Variants in COL18A1 observed in about 807,000 individuals in gnomAD.
COL18A1 encodes the protein collagen type XVIII alpha 1 chain.
In COL18A1, 133 loss-of-function variants were observed where a neutral mutation model predicts 168.0. The observed-to-expected ratio is 0.79, with a 90% confidence interval of 0.69 to 0.91. The LOEUF is 0.91. COL18A1 is among the 40% of genes least tolerant of loss of function. The probability of loss-of-function intolerance (pLI) is 0.00; values close to 1 mark genes in which losing one functional copy is unlikely to be tolerated. For missense variants in COL18A1, 2,126 were observed against 1,925.4 expected (o/e 1.10, Z -1.95); for synonymous variants, 949 against 809.0 (o/e 1.17, Z -2.94).
At chr21:45,502,868 TA>T (rs1225666661) in intron 32 of COL18A1, 1 of 152,198 alleles carries the variant, frequency 6.6e-6, no homozygotes, top group Non-Finnish European at 1.5e-5. Flanking sequence ...GTCTCCCACG[TA>T]AGCCCCACAA....
chr21:45,456,285 T>A (rs1216022587), intron 2 of COL18A1: 3 of 1,568,182 alleles, frequency 1.9e-6, no homozygotes, highest in Non-Finnish European at 2.6e-6. Context: ...AGCCAGCAGC[T>A]CCAACGCCCT....
chr21:45,507,088 G>A, intron 37 of COL18A1: 1 of 354,788 alleles, frequency 2.8e-6, no homozygotes, highest in South Asian at 2.5e-5. Context: ...TGGGCAGGGA[G>A]GGCAACCTGC....
intron 8 of COL18A1, 92 bp downstream of exon 8, chr21:45,478,057 C>T (rs976572217): frequency 7.3e-5 from 58 of 790,278 alleles, no homozygotes; most frequent in Non-Finnish European, 1.0e-4. Context: ...TGGGAGTGAG[C>T]TGAGCTGGGA....
intron 2 of COL18A1, among the ~76,000 whole-genome samples, chr21:45,428,816 C>T (rs1314757217): frequency 6.6e-6 from 1 of 152,156 alleles, no homozygotes; most frequent in Non-Finnish European, 1.5e-5. Context: ...GTGTAATAGT[C>T]CACCATAGAT....
rs2145937523 is a variant in COL18A1 at position 45,480,729 on chromosome 21, AC to A, written c.1488del (p.Gly497ValfsTer14). Reference protein sequence around the residue: ...GPRGFPGPPGPPGVPGLPGEP... With the variant: ...GPRGFPGPPGXPGVPGLPGEP... ...CTCGAGGCTTCCCTGGACCTCCCGG[AC>A]CCCCCGGTGTCCCAGGCCTGCCCGG... On this transcript the variant is annotated frameshift_variant, in exon 13 of 42. Transcript: ENST00000651438. LOFTEE classifies it high-confidence loss of function. 5 of 1,609,188 alleles carry A rather than the reference AC, an allele frequency of 3.1e-6. No individual in the cohort carries two copies.
chr21:45,460,133 G>C (rs1024244685), intron 2 of COL18A1, among the ~76,000 whole-genome samples: 4 of 152,230 alleles, frequency 2.6e-5, no homozygotes, highest in Admixed American at 2.0e-4. Flanking sequence ...GGAGCCTGGA[G>C]GAGGGCCCAG....
chr21:45,495,014 G>A (rs1015168218), intron 28 of COL18A1, 99 bp downstream of exon 28: 21 of 1,059,834 alleles, frequency 2.0e-5, no homozygotes, highest in African/African-American at 6.3e-5. Context: ...GGGAGTGGAC[G>A]GCCGCCGCAC....
rs186880533 is a variant in COL18A1 at position 45,476,307 on chromosome 21, A to G, written c.799-44A>G. The G allele has an allele frequency of 3.2e-5, 51 of 1,612,940 alleles. No homozygotes were observed. The African/African-American group carries it at 5.3e-4, about 17-fold the overall frequency. ...CAAACCAAGCAAGTCTCCACCGGGC[A>G]TCTGCCGGCCGAATAACAGGCCACC... On this transcript the variant is annotated intron_variant, in intron 5 of 41. Transcript: ENST00000651438.
chr21:45,416,965 G>C lies in COL18A1; in HGVS notation c.106+11492G>C, dbSNP rs149151204. ...TCAGGTATGTTTTCTTGTTCCGTGA[G>C]TTTTCAGATATTTGGAAGCAGCTAA... On this transcript the variant is annotated intron_variant, in intron 2 of 41. Transcript: ENST00000651438. Among the ~76,000 whole-genome samples, 408 of 152,282 alleles carry C rather than the reference G, an allele frequency of 2.7e-3. 3 individuals are homozygous for C. Among genetic ancestry groups the C allele is most frequent in the African/African-American group, 9.5e-3 (395 of 41,550 alleles).
At chr21:45,506,208 T>C in intron 37 of COL18A1, 1 of 548,568 alleles carries the variant, frequency 1.8e-6, no homozygotes, top group Non-Finnish European at 3.3e-6. Flanking sequence ...GAGGGGCTCC[T>C]GGTGGGTCAT....
chr21:45,421,485 G>A (rs750984935), intron 2 of COL18A1: 41 of 534,486 alleles, frequency 7.7e-5, no homozygotes, highest in South Asian at 4.6e-4. Context: ...AGGACACCGC[G>A]TTTCTGGCTG....
At chr21:45,476,936 T>A (rs112149974) in intron 6 of COL18A1, among the ~76,000 whole-genome samples, 2 of 151,508 alleles carry the variant, frequency 1.3e-5, no homozygotes, top group South Asian at 2.1e-4. Context: ...TGTGTGTGTG[T>A]GTGTGTGTGT....
chr21:45,503,989 C>A (rs1375642674), intron 32 of COL18A1, 22 bp from the exon 33 acceptor site: 1 of 1,613,368 alleles, frequency 6.2e-7, no homozygotes, highest in Non-Finnish European at 8.5e-7. Flanking sequence ...TCAGCGAGAC[C>A]CCGCCTGTCT....
intron 2 of COL18A1, among the ~76,000 whole-genome samples, chr21:45,436,459 G>A (rs1156377728): frequency 6.6e-6 from 1 of 152,190 alleles, no homozygotes; most frequent in East Asian, 1.9e-4. Context: ...TTTTAAAGCT[G>A]GGGAGTGGAG....
intron 26 of COL18A1, chr21:45,493,780 C>A: frequency 1.7e-6 from 1 of 590,752 alleles, no homozygotes; most frequent in East Asian, 2.8e-5. Context: ...TCTCCCTGCC[C>A]CTCGTCCTCT....
At chr21:45,489,405 C>A in intron 18 of COL18A1, 81 bp from the exon 19 acceptor site, 1 of 1,067,030 alleles carries the variant, frequency 9.4e-7, no homozygotes, top group Non-Finnish European at 1.4e-6. Context: ...GTAACTCACC[C>A]TTCCCTTCAC....
Position 45,495,035 on chromosome 21 carries a change from C to T in COL18A1, c.2433+120C>T, listed in dbSNP as rs539937577. On this transcript the variant is annotated intron_variant, in intron 28 of 41. Coordinates refer to ENST00000651438, the MANE Select transcript of COL18A1 (RefSeq NM_001379500.1). Reference sequence around the variant, plus strand: ...GGACGGCCGCCGCACCCACTGTCCTCCCCCAAGAACCGGCCCTGCCTGAGC... The same window carrying T: ...GGACGGCCGCCGCACCCACTGTCCTTCCCCAAGAACCGGCCCTGCCTGAGC... 147 of 879,618 alleles carry T rather than the reference C, an allele frequency of 1.7e-4. 1 individual carries two copies. In the East Asian group the frequency reaches 3.5e-3, roughly 21 times the overall value. 54.5% of individuals were successfully genotyped at this position (879,618 alleles called of 1,614,324 possible). A position where few individuals can be genotyped will look rare whatever the true frequency, so the allele number is the denominator to read the frequency against.
chr21:45,418,778 G>GGGGTATCAGGGAAGCGGCCCCTC (rs2033531356), intron 2 of COL18A1, among the ~76,000 whole-genome samples: 1 of 151,676 alleles, frequency 6.6e-6, no homozygotes, highest in Non-Finnish European at 1.5e-5. Context: ...GGCTGTCTCT[G>GGGGTATCAGGGAAGCGGCCCCTC]CTTTAGCGTT....
intron 37 of COL18A1, chr21:45,507,076 G>A (rs543085322): frequency 2.1e-4 from 74 of 347,802 alleles, no homozygotes; most frequent in South Asian, 1.8e-3. Flanking sequence ...AGGGCTGGGT[G>A]CTGGGCAGGG....
Sources: gnomAD v4.1 joint callset for allele counts (sites outside exome capture counted in the v4.1 genomes callset) on GRCh38, gnomAD v4.1.1 for gene constraint, MANE v1.5 for transcripts, NCBI Gene and HGNC (gene_info 2026-07-23, HGNC 2026-07-21) for gene names.